The following HHIP variants were observed in gnomAD, a reference collection of about 807,000 sequenced individuals.
HHIP encodes hedgehog interacting protein, also known as hedgehog-interacting protein.
Under a neutral mutation model 74.0 loss-of-function variants are expected in HHIP, and 12 were observed. The observed-to-expected ratio is 0.16, with a 90% CI of 0.10 to 0.26. The LOEUF (loss-of-function observed/expected upper bound fraction) is 0.26, where lower values mean the gene tolerates loss of function less well. Ranked by LOEUF, HHIP falls within the 10% of genes least tolerant of loss-of-function variation. The probability of loss-of-function intolerance (pLI) is 1.00; values close to 1 mark genes in which losing one functional copy is unlikely to be tolerated. For synonymous variants in HHIP, 309 were observed against 311.6 expected (o/e 0.99, Z 0.09); for missense variants, 788 against 845.0 (o/e 0.93, Z 0.84).
chr4:144,678,310 G>A (rs548357445), intron 4 of HHIP, among the ~76,000 whole-genome samples: 3 of 152,022 alleles, frequency 2.0e-5, no homozygotes, highest in Non-Finnish European at 4.4e-5. Flanking sequence ...TGTACCCTAC[G>A]GCTCTAAAGT....
intron 2 of HHIP, among the ~76,000 whole-genome samples, chr4:144,655,246 C>T (rs1728528063): frequency 6.6e-6 from 1 of 152,006 alleles, no homozygotes; most frequent in African/African-American, 2.4e-5. Context: ...TAATATTTTC[C>T]AGTTGTGAAT....
chr4:144,738,484 T>A lies in HHIP; in HGVS notation c.*527T>A. 3.1e-6 allele frequency: 3 copies of A among 982,730 alleles called. No homozygotes were observed. The highest frequency in any genetic ancestry group is 3.6e-6 in the Non-Finnish European group (3 of 827,108). The allele number at this position is 982,730 out of a possible 1,614,324, so 60.9% of individuals were successfully genotyped here. A position where few individuals can be genotyped will look rare whatever the true frequency, so the allele number is the denominator to read the frequency against. ...TTGATATAAAATTGTAATCTTCATT[T>A]TTGTCAGTGTATCCAGTTACAGAAT... is the stretch of plus-strand genomic sequence containing the variant. On this transcript the variant is annotated 3_prime_UTR_variant, in exon 13 of 13. Coordinates refer to ENST00000296575, the MANE Select transcript of HHIP (RefSeq NM_022475.3).
chr4:144,741,377 T>G lies in HHIP; in HGVS notation c.*3420T>G, dbSNP rs1447485902. On this transcript the variant is annotated 3_prime_UTR_variant, in exon 13 of 13. Transcript: ENST00000296575. ...ATCCATTTGCTGTTTTTTTTTTTTT[T>G]TTGGTTTCTTTTTTTTTTTTTTTGA... is the stretch of plus-strand genomic sequence containing the variant. The G allele has an allele frequency of 2.6e-5, 4 of 151,016 alleles. No individual in the cohort carries two copies. Among genetic ancestry groups the G allele is most frequent in the African/African-American group, 9.7e-5 (4 of 41,240 alleles). 9.4% of individuals were successfully genotyped at this position (151,016 alleles called of 1,614,324 possible).
intron 2 of HHIP, among the ~76,000 whole-genome samples, chr4:144,654,646 A>G (rs1036419195): frequency 3.3e-5 from 5 of 152,176 alleles, no homozygotes; most frequent in African/African-American, 1.2e-4. Context: ...AAGTACAATA[A>G]ATAAGATGCT....
At position 144,659,771 on chromosome 4, in the gene HHIP, C is replaced by T. The variant is rs200791041; in HGVS notation, c.764C>T (p.Thr255Ile). 4 of 1,612,696 alleles carry T rather than the reference C, an allele frequency of 2.5e-6. No individual in the cohort carries two copies. The highest frequency in any genetic ancestry group is 1.3e-5 in the African/African-American group (1 of 74,826). The change falls in exon 4 of 13, where the codon ACC becomes ATC. Residue 255 changes from threonine (T) to isoleucine (I), a missense_variant. By Grantham distance (89) the Thr-to-Ile change is moderately conservative. Around this residue, in one of 3 missense-constraint regions of HHIP, gnomAD observed 373 missense variants for 366.4 expected, o/e 1.02. Transcript: ENST00000296575. ...LEKEGYVKIL[T>I]PEGEIFKEPY... ...AAAGAAGGTTATGTGAAGATACTTA[C>T]CCCTGAAGGAGAAATTTTCAAGGAG...
At chr4:144,726,107 A>G (rs561657864) in intron 11 of HHIP, among the ~76,000 whole-genome samples, 123 of 152,318 alleles carry the variant, frequency 8.1e-4, no homozygotes, top group Admixed American at 1.6e-3. Context: ...ATTTTTATCA[A>G]TTATGGTTTA....
intron 4 of HHIP, among the ~76,000 whole-genome samples, chr4:144,676,439 T>C (rs1729170144): frequency 6.6e-6 from 1 of 152,352 alleles, no homozygotes; most frequent in East Asian, 1.9e-4. Context: ...TTTTAAGTTA[T>C]TGTTTGTATG....
At position 144,646,780 on chromosome 4, in the gene HHIP, G is replaced by C; in HGVS notation, c.105G>C (p.Arg35Ser). The C allele has an allele frequency of 6.2e-7, 1 of 1,613,684 alleles. No individual in the cohort carries two copies. Among genetic ancestry groups the C allele is most frequent in the Non-Finnish European group, 8.5e-7 (1 of 1,180,042 alleles). Residue 35 changes from arginine to serine, a missense_variant, in exon 1 of 13, where the codon AGG (arginine) becomes AGC (serine). Arg to Ser is a moderately radical substitution (Grantham distance 110). Transcript: ENST00000296575. ...AAAGAAACGAAGGGAGCGGAGCAAG[G>C]AGGAGAAGGTGCCTGAATGGGAACC... ...FGERNEGSGA[R>S]RRRCLNGNPP...
chr4:144,735,059 T>C (rs11100867), intron 12 of HHIP, among the ~76,000 whole-genome samples, 170 bp downstream of exon 12: 84,331 of 152,076 alleles, frequency 0.55, 23,985 homozygotes, highest in South Asian at 0.76. Context: ...TAAAATCTTG[T>C]TCATTTTCTT....
chr4:144,651,135 T>G (rs1728417972), intron 1 of HHIP, among the ~76,000 whole-genome samples: 1 of 152,134 alleles, frequency 6.6e-6, no homozygotes, highest in Admixed American at 6.5e-5. Flanking sequence ...AGAGTATGGA[T>G]GATAAAAGGC....
Position 144,659,749 on chromosome 4 carries a change from G to C in HHIP, c.742G>C (p.Glu248Gln). The C allele has an allele frequency of 1.2e-6, 2 of 1,612,110 alleles. No individual in the cohort carries two copies. Among genetic ancestry groups the C allele is most frequent in the African/African-American group, 1.3e-5 (1 of 74,914 alleles). The change falls in exon 4 of 13, where the codon GAA (glutamate) becomes CAA (glutamine). Residue 248 changes from glutamate (E) to glutamine (Q), a missense_variant. Coordinates refer to ENST00000296575, the MANE Select transcript of HHIP (RefSeq NM_022475.3). Reference sequence around the variant, plus strand: ...GCAACGTCTCTTCATTCTGGAAAAAGAAGGTTATGTGAAGATACTTACCCC... The same window carrying C: ...GCAACGTCTCTTCATTCTGGAAAAACAAGGTTATGTGAAGATACTTACCCC... ...GSQRLFILEK[E>Q]GYVKILTPEG...
At chr4:144,725,923 G>C (rs954075956) in intron 11 of HHIP, among the ~76,000 whole-genome samples, 3 of 151,896 alleles carry the variant, frequency 2.0e-5, no homozygotes, top group Non-Finnish European at 1.5e-5. Context: ...TGCCTGGCTC[G>C]GCCTCCCAAA....
At chr4:144,715,212 T>C in intron 9 of HHIP, 88 bp from the exon 10 acceptor site, 1 of 1,290,090 alleles carries the variant, frequency 7.8e-7, no homozygotes, top group Non-Finnish European at 1.1e-6. Context: ...AGCAATTGTT[T>C]GTTATGAATT....
At chr4:144,654,784 G>C (rs1444071880) in intron 2 of HHIP, 1 of 151,972 alleles carries the variant, frequency 6.6e-6, no homozygotes, top group Non-Finnish European at 1.5e-5. Flanking sequence ...TTAATGATAT[G>C]GTTCACTTTC....
intron 4 of HHIP, among the ~76,000 whole-genome samples, chr4:144,673,611 T>C (rs890023016): frequency 6.6e-6 from 1 of 152,138 alleles, no homozygotes; most frequent in African/African-American, 2.4e-5. Flanking sequence ...GGGTTTAGCA[T>C]AGAAAAGGTC....
intron 4 of HHIP, among the ~76,000 whole-genome samples, chr4:144,664,410 A>T (rs1271965873): frequency 1.3e-5 from 2 of 152,248 alleles, no homozygotes; most frequent in Non-Finnish European, 2.9e-5. Context: ...TATGAGTATC[A>T]AAAATTTGTG....
At chr4:144,704,455 T>C (rs571700587) in intron 4 of HHIP, among the ~76,000 whole-genome samples, 86 of 152,352 alleles carry the variant, frequency 5.6e-4, no homozygotes, top group Non-Finnish European at 1.0e-3. Flanking sequence ...TGATAGATGG[T>C]ATCTCTAAAG....
rs1428627428 is a variant in HHIP at position 144,707,110 on chromosome 4, T to C, written c.1007T>C (p.Leu336Ser). 4 of 1,614,028 alleles carry C rather than the reference T, an allele frequency of 2.5e-6. No individual in the cohort carries two copies. Among genetic ancestry groups the C allele is most frequent in the Admixed American group, 1.7e-5 (1 of 60,000 alleles). Residue 336 changes from leucine to serine, a missense_variant, in exon 6 of 13, where the codon TTG becomes TCG. Leu to Ser is a moderately radical substitution (Grantham distance 145). Transcript: ENST00000296575. ...VSRKNPHQVDLRTARVFLEVA... is the reference protein window; with the variant it reads ...VSRKNPHQVDSRTARVFLEVA... ...AGAAAAAATCCACACCAAGTTGATT[T>C]GAGAACAGCCAGAGTCTTTCTTGAA...
intron 4 of HHIP, among the ~76,000 whole-genome samples, chr4:144,687,751 C>CTTTTTTT (rs5862719): frequency 2.3e-4 from 17 of 73,470 alleles, no homozygotes; most frequent in African/African-American, 4.9e-4. Context: ...CTTTTGGCAA[C>CTTTTTTT]TTTTTTTTTT....
Sources: gnomAD v4.1 joint callset for allele counts (sites outside exome capture counted in the v4.1 genomes callset) on GRCh38, gnomAD v4.1.1 for gene constraint, gnomAD v4.1.1 regional missense constraint, MANE v1.5 for transcripts, NCBI Gene and HGNC (gene_info 2026-07-23, HGNC 2026-07-21) for gene names.